Variants in DNAH17 observed in about 807,000 individuals in gnomAD.
The protein encoded by DNAH17 is dynein axonemal heavy chain 17.
In DNAH17, 376 loss-of-function variants were observed where a neutral mutation model predicts 485.6. The ratio of observed to expected loss-of-function variants is 0.77; its 90% CI spans 0.71 to 0.84. The LOEUF (loss-of-function observed/expected upper bound fraction) is 0.84, where lower values mean the gene tolerates loss of function less well. Among genes scored for constraint, DNAH17 ranks in the 40% least tolerant of loss-of-function variants. The pLI is 0.00. For missense variants in DNAH17, 6,370 were observed against 5,839.3 expected (o/e 1.09, Z -2.96); for synonymous variants, 3,031 against 2,405.9 (o/e 1.26, Z -7.60).
At position 78,426,922 on chromosome 17, in the gene DNAH17, T is replaced by C. The variant is rs2086493550; in HGVS notation, c.12771+4A>G. 3 of 1,599,536 alleles carry C rather than the reference T, an allele frequency of 1.9e-6. No individual in the cohort carries two copies. The highest frequency in any genetic ancestry group is 2.6e-6 in the Non-Finnish European group (3 of 1,172,938). On this transcript the variant is annotated splice_donor_region_variant and intron_variant, in intron 78 of 80. Coordinates refer to ENST00000389840, the MANE Select transcript of DNAH17 (RefSeq NM_173628.4). The stretch of plus-strand genomic sequence containing the variant: ...TCCCTGGGGCCGGGCTGACCCATGT[T>C]TACCTTCAGCCCCAGGTTCAGCTCC...
rs773666728 is a variant in DNAH17, at chr17:78,494,791, G to C, written c.6072C>G (p.Ile2024Met). 1.9e-6 allele frequency: 3 copies of C among 1,611,748 alleles called. No individual in the cohort carries two copies. Among genetic ancestry groups the C allele is most frequent in the Non-Finnish European group, 2.5e-6 (3 of 1,178,650 alleles). Reference sequence around the variant, plus strand: ...AGCCGGCCACCACCAGCACAGACTTGATGGCTCTCAGGCCCCAGTCGTAAT... The same window carrying C: ...AGCCGGCCACCACCAGCACAGACTTCATGGCTCTCAGGCCCCAGTCGTAAT... Reference protein sequence around the residue: ...QDHYDWGLRAIKSVLVVAGSL... With the variant: ...QDHYDWGLRAMKSVLVVAGSL... The change falls in exon 40 of 81, where the codon ATC (isoleucine) becomes ATG (methionine). Residue 2024 changes from isoleucine (I) to methionine (M), a missense_variant. Transcript: ENST00000389840.
Position 78,500,502 on chromosome 17 carries a change from A to G in DNAH17, c.5484-41T>C, listed in dbSNP as rs547852813. On this transcript the variant is annotated intron_variant, in intron 35 of 80. Transcript: ENST00000389840. ...GGTAAGCGTGTGTGCCAGCGACCCC[A>G]TGGCCTCCCTGCTTTTATTTTTTTG... 5 of 1,508,702 alleles carry G rather than the reference A, an allele frequency of 3.3e-6. No homozygotes were observed. In the Admixed American group the frequency reaches 6.9e-5, roughly 21 times the overall value. The allele number at this position is 1,508,702 out of a possible 1,614,324, so 93.5% of individuals were successfully genotyped here.
chr17:78,427,676 T>C (rs1387624425), intron 77 of DNAH17, among the ~76,000 whole-genome samples: 1 of 152,162 alleles, frequency 6.6e-6, no homozygotes, highest in African/African-American at 2.4e-5. Context: ...TTCCACATTC[T>C]ATTAAGAAGT....
At chr17:78,565,182 A>G (rs1231587226) in intron 11 of DNAH17, among the ~76,000 whole-genome samples, 1 of 150,890 alleles carries the variant, frequency 6.6e-6, no homozygotes, top group African/African-American at 2.4e-5. Context: ...CTGAGCTCCC[A>G]TCGCTCTCCC....
Position 78,574,502 on chromosome 17 carries a change from CAAA to C in DNAH17, c.345+208_345+210del, listed in dbSNP as rs780149334. On this transcript the variant is annotated intron_variant, in intron 2 of 80. Transcript: ENST00000389840. ...TGGGAAGCAGAGTGAGACCCTGTCT[CAAA>C]AAAAAAAAAAAATTTAAAAACCAAA... is the stretch of plus-strand genomic sequence containing the variant. Among the ~76,000 whole-genome samples the C allele has an allele frequency of 1.8e-3, 240 of 132,972 alleles. 1 individual carries two copies. Among genetic ancestry groups the C allele is most frequent in the African/African-American group, 6.3e-3 (226 of 36,098 alleles). The allele number at this position is 132,972 out of a possible 152,430, so 87.2% of individuals were successfully genotyped here.
rs760916971 is a variant in DNAH17, at chr17:78,506,765, C to T, written c.4758G>A (p.Ser1586=). 2.7e-5 allele frequency: 44 copies of T among 1,613,784 alleles called. No homozygotes were observed. Among genetic ancestry groups the T allele is most frequent in the East Asian group, 2.0e-4 (9 of 44,890 alleles). Residue 1586 remains serine (S), a synonymous_variant, in exon 30 of 81, where the codon TCG becomes TCA. Transcript: ENST00000389840. ...LAFPRFYFVS[S]ADLLDILSNG... ...TGGAGAGAATGTCCAGGAGGTCAGC[C>T]GAGGAGACAAAATAGAACCGGGGGA...
intron 37 of DNAH17, among the ~76,000 whole-genome samples, chr17:78,497,461 G>A (rs1289748135): frequency 3.9e-5 from 6 of 152,234 alleles, no homozygotes; most frequent in Non-Finnish European, 8.8e-5. Flanking sequence ...GCTAGGCCAA[G>A]CCTCTCCTGT....
intron 56 of DNAH17, among the ~76,000 whole-genome samples, chr17:78,465,612 C>T (rs2146551138): frequency 6.6e-6 from 1 of 151,556 alleles, no homozygotes; most frequent in Non-Finnish European, 1.5e-5. Flanking sequence ...AGCGCCTCTG[C>T]CCGGCCGAGA....
At chr17:78,477,493 C>T (rs2089086711) in intron 51 of DNAH17, among the ~76,000 whole-genome samples, 1 of 152,208 alleles carries the variant, frequency 6.6e-6, no homozygotes, top group Non-Finnish European at 1.5e-5. Context: ...ATTCTCACAT[C>T]AGCCTCCCGA....
At chr17:78,432,844 C>T (rs550353923) in intron 75 of DNAH17, among the ~76,000 whole-genome samples, 1 of 148,240 alleles carries the variant, frequency 6.7e-6, no homozygotes, top group South Asian at 2.1e-4. Context: ...GCAGGCTTAG[C>T]GGTCCAGTGA....
rs192554449 is a variant in DNAH17 at position 78,494,293 on chromosome 17, T to C, written c.6271-120A>G. 5 of 1,391,852 alleles carry C rather than the reference T, an allele frequency of 3.6e-6. No individual in the cohort carries two copies. The South Asian group carries it at 4.3e-5, about 12-fold the overall frequency. The allele number at this position is 1,391,852 out of a possible 1,614,324, so 86.2% of individuals were successfully genotyped here. ...TGATAAAGGCGCCCTTGCCCTCCGA[T>C]GCACGTGCGTCTGCAAGTTCTGCTG... On this transcript the variant is annotated intron_variant, in intron 40 of 80. Transcript: ENST00000389840.
At chr17:78,518,161 C>T (rs550562761) in intron 25 of DNAH17, among the ~76,000 whole-genome samples, 1 of 152,228 alleles carries the variant, frequency 6.6e-6, no homozygotes, top group East Asian at 1.9e-4. Context: ...ACCTTAAATG[C>T]AAAATGGTCT....
At chr17:78,484,739 A>ACCCCCCAGGCCCCCCCCCCCCCCCCCC in intron 48 of DNAH17, 129 bp downstream of exon 48, 3 of 347,798 alleles carry the variant, frequency 8.6e-6, no homozygotes, top group Non-Finnish European at 1.4e-5. Context: ...ACGTTGCAGC[A>ACCCCCCAGGCCCCCCCCCCCCCCCCCC]CCCCCCCCAC....
At position 78,544,530 on chromosome 17, in the gene DNAH17, C is replaced by T. The variant is rs558859286; in HGVS notation, c.2392-533G>A. Among the ~76,000 whole-genome samples the T allele has an allele frequency of 2.6e-5, 4 of 151,838 alleles. No individual in the cohort carries two copies. In the South Asian group the frequency reaches 6.2e-4, roughly 24 times the overall value. ...AGGGTGGTGGCCACTTGGCCGGGCG[C>T]GGTGGCCCATGCCTGTAATCCCAGC... On this transcript the variant is annotated intron_variant, in intron 16 of 80. Transcript: ENST00000389840.
intron 19 of DNAH17, among the ~76,000 whole-genome samples, chr17:78,536,281 T>A (rs1040275073): frequency 6.7e-6 from 1 of 149,406 alleles, no homozygotes; most frequent in African/African-American, 2.5e-5. Flanking sequence ...CTACTAAAAA[T>A]ATATAAAAAA....
At position 78,505,330 on chromosome 17, in the gene DNAH17, T is replaced by C. The variant is rs746752091; in HGVS notation, c.4919A>G (p.Tyr1640Cys). 6.2e-7 allele frequency: 1 copy of C among 1,613,972 alleles called. No individual in the cohort carries two copies. The highest frequency in any genetic ancestry group is 1.7e-5 in the Admixed American group (1 of 60,022). The change falls in exon 31 of 81, where the codon TAC becomes TGC. Residue 1640 changes from tyrosine (Y) to cysteine (C), a missense_variant. Transcript: ENST00000389840. ...GTCGCATTCCTGATCAAAAACCATG[T>C]ACTCGTCCTCCTTGCTGTACATTCC... ...GLGMYSKEDE[Y>C]MVFDQECDLS...
intron 53 of DNAH17, 40 bp downstream of exon 53, chr17:78,475,629 C>T: frequency 6.2e-7 from 1 of 1,610,088 alleles, no homozygotes; most frequent in Non-Finnish European, 8.5e-7. Context: ...GTGACCCGGT[C>T]CAGGTCCCGT....
At chr17:78,450,982 G>T in intron 66 of DNAH17, 136 bp from the exon 67 acceptor site, 2 of 1,128,270 alleles carry the variant, frequency 1.8e-6, no homozygotes, top group South Asian at 3.0e-5. Flanking sequence ...CCTGGAAGGG[G>T]CTGCAGAAGC....
chr17:78,553,296 T>TTTTG (rs2091947997), intron 14 of DNAH17, among the ~76,000 whole-genome samples: 1 of 47,828 alleles, frequency 2.1e-5, no homozygotes, highest in African/African-American at 7.3e-5. Flanking sequence ...TTTTTTTTTT[T>TTTTG]TTTTTTTTTT....
Sources: gnomAD v4.1 joint callset for allele counts (sites outside exome capture counted in the v4.1 genomes callset) on GRCh38, gnomAD v4.1.1 for gene constraint, MANE v1.5 for transcripts, NCBI Gene and HGNC (gene_info 2026-07-23, HGNC 2026-07-21) for gene names.